ADCY8: variants seen among roughly 807,000 people sequenced by gnomAD.
ADCY8 encodes adenylate cyclase 8, also known as adenylate cyclase type 8.
Under a neutral mutation model 119.7 loss-of-function variants are expected in ADCY8, and 51 were observed. The ratio of observed to expected loss-of-function variants is 0.43; its 90% CI spans 0.34 to 0.54. The LOEUF (loss-of-function observed/expected upper bound fraction) is 0.54, where lower values mean the gene tolerates loss of function less well. Ranked by LOEUF, ADCY8 falls within the 20% of genes least tolerant of loss-of-function variation. The pLI is 0.03. For missense variants in ADCY8, 1,383 were observed against 1,598.8 expected (o/e 0.87, Z 2.30); for synonymous variants, 665 against 651.0 (o/e 1.02, Z -0.33).
rs1439442538 is a variant in ADCY8 at position 130,867,923 on chromosome 8, C to G, written c.2133G>C (p.Val711=). Residue 711 remains valine, a synonymous_variant, in exon 9 of 18, where the codon GTG becomes GTC. Coordinates refer to ENST00000286355, the MANE Select transcript of ADCY8 (RefSeq NM_001115.3). ...EHKYSQMRDE[V]FKSNLVCAFI... The stretch of plus-strand genomic sequence containing the variant: ...ATGCACAGACCAAGTTTGACTTGAA[C>G]ACTTCATCCCTCATTTGAGAATACT... The G allele has an allele frequency of 6.2e-7, 1 of 1,610,492 alleles. No homozygotes were observed. The highest frequency in any genetic ancestry group is 1.3e-5 in the African/African-American group (1 of 74,810).
chr8:130,856,633 T>A (rs1817744426), intron 9 of ADCY8, among the ~76,000 whole-genome samples: 1 of 152,218 alleles, frequency 6.6e-6, no homozygotes, highest in African/African-American at 2.4e-5. Flanking sequence ...CTTCTTCTGA[T>A]TTATTAATTG....
chr8:130,967,281 A>G (rs1423341969), intron 2 of ADCY8, among the ~76,000 whole-genome samples: 2 of 152,172 alleles, frequency 1.3e-5, no homozygotes, highest in African/African-American at 4.8e-5. Context: ...GATAACATTC[A>G]TGTCTATTTG....
intron 17 of ADCY8, among the ~76,000 whole-genome samples, chr8:130,781,911 C>G (rs1338353402): frequency 6.6e-6 from 1 of 152,090 alleles, no homozygotes; most frequent in Non-Finnish European, 1.5e-5. Flanking sequence ...CAGTCCTAGG[C>G]ATTGGGGATG....
intron 1 of ADCY8, among the ~76,000 whole-genome samples, chr8:130,998,389 G>A (rs1196424144): frequency 6.6e-6 from 1 of 152,142 alleles, no homozygotes; most frequent in East Asian, 1.9e-4. Context: ...AAGGTTCTGA[G>A]GCAGGAGAAG....
chr8:130,833,495 G>A (rs1186219832), intron 12 of ADCY8, among the ~76,000 whole-genome samples: 3 of 152,166 alleles, frequency 2.0e-5, no homozygotes, highest in African/African-American at 7.2e-5. Context: ...AAAAGAAAAT[G>A]TGGTATACGA....
intron 1 of ADCY8, among the ~76,000 whole-genome samples, chr8:130,998,852 C>A (rs1362493147): frequency 6.6e-6 from 1 of 152,104 alleles, no homozygotes; most frequent in Non-Finnish European, 1.5e-5. Context: ...TGATTCTCAG[C>A]AAGTTCTAGT....
intron 1 of ADCY8, among the ~76,000 whole-genome samples, chr8:131,036,004 T>A (rs1156812819): frequency 1.3e-5 from 2 of 152,190 alleles, no homozygotes; most frequent in Non-Finnish European, 2.9e-5. Context: ...TATTTAACTC[T>A]CTTAAGTAGT....
intron 9 of ADCY8, among the ~76,000 whole-genome samples, chr8:130,866,436 T>C (rs1160540361): frequency 6.6e-5 from 10 of 152,298 alleles, no homozygotes; most frequent in Admixed American, 6.5e-4. Flanking sequence ...GTTATGAACA[T>C]TGAACTTCTG....
intron 11 of ADCY8, among the ~76,000 whole-genome samples, chr8:130,844,003 G>A (rs780773668): frequency 7.9e-5 from 12 of 152,108 alleles, no homozygotes; most frequent in Non-Finnish European, 1.8e-4. Context: ...GGAGAAGAAA[G>A]GGAAGGAAAT....
At chr8:131,007,600 C>T (rs1384185166) in intron 1 of ADCY8, among the ~76,000 whole-genome samples, 3 of 152,182 alleles carry the variant, frequency 2.0e-5, no homozygotes, top group Non-Finnish European at 4.4e-5. Context: ...AGTAGATGCC[C>T]AGTAAATTAT....
At chr8:130,815,745 A>G (rs572662616) in intron 13 of ADCY8, among the ~76,000 whole-genome samples, 1 of 152,348 alleles carries the variant, frequency 6.6e-6, no homozygotes, top group South Asian at 2.1e-4. Context: ...CTAGTTCCAC[A>G]TTTACACACT....
intron 5 of ADCY8, among the ~76,000 whole-genome samples, chr8:130,928,334 ATG>A (rs1408330664): frequency 6.6e-6 from 1 of 152,100 alleles, no homozygotes; most frequent in Non-Finnish European, 1.5e-5. Context: ...TGGCCTCACA[ATG>A]TGTTGGGATT....
At chr8:131,009,163 G>A (rs1165288749) in intron 1 of ADCY8, among the ~76,000 whole-genome samples, 2 of 152,186 alleles carry the variant, frequency 1.3e-5, no homozygotes, top group African/African-American at 2.4e-5. Flanking sequence ...TGGGGAAAAT[G>A]TCTGCAGGGC....
chr8:130,921,805 G>A lies in ADCY8; in HGVS notation c.1482-11939C>T, dbSNP rs190004648. The stretch of plus-strand genomic sequence containing the variant: ...TGCCAGAATTTATATAATCATTTCC[G>A]TACCTTTGAACATTTATGGCATCAG... On this transcript the variant is annotated intron_variant, in intron 5 of 17. Coordinates refer to ENST00000286355, the MANE Select transcript of ADCY8 (RefSeq NM_001115.3). 3.9e-3 allele frequency among the ~76,000 whole-genome samples: 592 copies of A among 151,998 alleles called. 2 individuals are homozygous for A. Among genetic ancestry groups the A allele is most frequent in the Non-Finnish European group, 5.4e-3 (365 of 67,970 alleles).
At chr8:130,908,693 G>A (rs1819870135) in intron 6 of ADCY8, among the ~76,000 whole-genome samples, 1 of 152,140 alleles carries the variant, frequency 6.6e-6, no homozygotes, top group South Asian at 2.1e-4. Flanking sequence ...GGACTCAGAA[G>A]TTAAGCACTG....
At chr8:131,009,108 A>T (rs1472463933) in intron 1 of ADCY8, among the ~76,000 whole-genome samples, 1 of 152,242 alleles carries the variant, frequency 6.6e-6, no homozygotes, top group Admixed American at 6.5e-5. Context: ...CAGCTGGAGA[A>T]ATTTGCATAA....
intron 1 of ADCY8, among the ~76,000 whole-genome samples, chr8:130,998,237 G>A (rs1586642695): frequency 6.6e-6 from 1 of 152,190 alleles, no homozygotes; most frequent in South Asian, 2.1e-4. Context: ...AGGATGGAAA[G>A]TGATGGCACA....
chr8:130,940,810 C>A (rs938504052), intron 4 of ADCY8, among the ~76,000 whole-genome samples: 1 of 152,118 alleles, frequency 6.6e-6, no homozygotes, highest in Non-Finnish European at 1.5e-5. Flanking sequence ...GTCTTGATGA[C>A]TTTGACATTA....
chr8:130,968,086 A>G lies in ADCY8; in HGVS notation c.1111-16088T>C, dbSNP rs538837360. On this transcript the variant is annotated intron_variant, in intron 2 of 17. Coordinates refer to ENST00000286355, the MANE Select transcript of ADCY8 (RefSeq NM_001115.3). ...GGCAGGTGGGGGAGAGAGAATGAAGAGTGGTCTGTACTAGATGCAGGCAAT... is the reference window on the plus strand; with the variant it reads ...GGCAGGTGGGGGAGAGAGAATGAAGGGTGGTCTGTACTAGATGCAGGCAAT... 1.6e-4 allele frequency among the ~76,000 whole-genome samples: 24 copies of G among 152,210 alleles called. No individual in the cohort carries two copies. The East Asian group carries it at 4.6e-3, about 29-fold the overall frequency.
Sources: gnomAD v4.1 joint callset for allele counts (sites outside exome capture counted in the v4.1 genomes callset) on GRCh38, gnomAD v4.1.1 for gene constraint, MANE v1.5 for transcripts, NCBI Gene and HGNC (gene_info 2026-07-23, HGNC 2026-07-21) for gene names.